The following LYST variants were observed in gnomAD, a reference collection of about 807,000 sequenced individuals.
LYST encodes lysosomal-trafficking regulator.
In LYST, 192 loss-of-function variants were observed where a neutral mutation model predicts 413.6. That is an observed-to-expected ratio of 0.46 (90% CI 0.41 to 0.52). LYST has a LOEUF of 0.52. Among genes scored for constraint, LYST ranks in the 20% least tolerant of loss-of-function variants. LYST has a pLI of 0.00. For synonymous variants in LYST, 1,525 were observed against 1,567.3 expected, an observed-to-expected ratio of 0.97 and a Z score of 0.64; for missense variants, 3,815 against 4,499.9, an observed-to-expected ratio of 0.85 and a Z score of 4.35.
rs201404906 is a variant in LYST, at chr1:235,762,863, A to AT, written c.6122-13dup. ...AAAGATCTTGCCATCTAGAATCCAA[A>AT]TTTTTTTTGAAACAGCAAAATTTTT... On this transcript the variant is annotated splice_polypyrimidine_tract_variant and intron_variant, in intron 21 of 52. Transcript: ENST00000389793. The AT allele has an allele frequency of 9.3e-6, 15 of 1,610,394 alleles. No homozygotes were observed. The highest frequency in any genetic ancestry group is 1.1e-5 in the Non-Finnish European group (13 of 1,177,366).
intron 48 of LYST, among the ~76,000 whole-genome samples, chr1:235,682,638 G>A (rs186299301): frequency 3.3e-5 from 5 of 152,298 alleles, no homozygotes; most frequent in Admixed American, 2.6e-4. Context: ...TAGAAATGTA[G>A]TCGGATGAAA....
At chr1:235,677,352 C>T (rs1280768203) in intron 49 of LYST, 128 bp downstream of exon 49, 6 of 1,164,644 alleles carry the variant, frequency 5.2e-6, no homozygotes, top group African/African-American at 1.5e-5. Context: ...AATCTTACTA[C>T]CTTTAAGCAT....
chr1:235,769,854 T>C (rs1163645045), intron 20 of LYST, among the ~76,000 whole-genome samples: 1 of 152,160 alleles, frequency 6.6e-6, no homozygotes, highest in Non-Finnish European at 1.5e-5. Context: ...TAAAATTCAT[T>C]AACTATTCTT....
chr1:235,765,242 A>G (rs1668015918), intron 21 of LYST, among the ~76,000 whole-genome samples: 1 of 151,948 alleles, frequency 6.6e-6, no homozygotes. Flanking sequence ...TTTCCTTAAC[A>G]CCTCCAGAGT....
chr1:235,722,285 A>G (rs1663441715), intron 39 of LYST, among the ~76,000 whole-genome samples: 1 of 152,310 alleles, frequency 6.6e-6, no homozygotes, highest in Admixed American at 6.5e-5. Flanking sequence ...ATGTGACATG[A>G]AAGTGATTGA....
intron 1 of LYST, among the ~76,000 whole-genome samples, chr1:235,846,274 C>T (rs1299595924): frequency 6.6e-6 from 1 of 152,126 alleles, no homozygotes; most frequent in Non-Finnish European, 1.5e-5. Flanking sequence ...AGAGAGACAA[C>T]AATCACTGCA....
chr1:235,759,426 G>T lies in LYST; in HGVS notation c.6427C>A (p.Gln2143Lys), dbSNP rs759773181. 6.2e-7 allele frequency: 1 copy of T among 1,614,032 alleles called. No homozygotes were observed. The highest frequency in any genetic ancestry group is 1.7e-5 in the Admixed American group (1 of 59,988). ...QNIADTYVATQSKKQNSLGSS... is the reference protein window; with the variant it reads ...QNIADTYVATKSKKQNSLGSS... Reference sequence around the variant, plus strand: ...CCCAAAGAATTTTGTTTCTTTGATTGGGTGGCAACATAAGTATCTGCAATA... The same window carrying T: ...CCCAAAGAATTTTGTTTCTTTGATTTGGTGGCAACATAAGTATCTGCAATA... The change falls in exon 23 of 53, where the codon CAA becomes AAA. Residue 2143 changes from glutamine to lysine, a missense_variant. Gln to Lys is a moderately conservative substitution (Grantham distance 53). This residue lies in a region of LYST where 530 missense variants were observed against 696.5 expected (regional missense o/e 0.76). Coordinates refer to ENST00000389793, the MANE Select transcript of LYST (RefSeq NM_000081.4).
chr1:235,802,196 A>AG (rs1351687099), intron 8 of LYST, among the ~76,000 whole-genome samples: 1 of 147,166 alleles, frequency 6.8e-6, no homozygotes, highest in African/African-American at 2.5e-5. Flanking sequence ...TCCATTTCAA[A>AG]AAAAAAAAAA....
At chr1:235,801,826 T>C (rs1672262400) in intron 8 of LYST, among the ~76,000 whole-genome samples, 1 of 152,258 alleles carries the variant, frequency 6.6e-6, no homozygotes, top group Middle Eastern at 3.4e-3. Flanking sequence ...AAGTAAGATA[T>C]CAGTGATTAT....
intron 50 of LYST, among the ~76,000 whole-genome samples, chr1:235,673,870 T>G (rs1339998000): frequency 6.6e-6 from 1 of 152,216 alleles, no homozygotes; most frequent in Non-Finnish European, 1.5e-5. Flanking sequence ...TACCAAGATA[T>G]AAATGCCTGG....
rs1272863474 is a variant in LYST at position 235,808,962 on chromosome 1, A to T, written c.1856T>A (p.Ile619Asn). 6.2e-7 allele frequency: 1 copy of T among 1,613,940 alleles called. No individual in the cohort carries two copies. The highest frequency in any genetic ancestry group is 8.5e-7 in the Non-Finnish European group (1 of 1,179,878). The change falls in exon 5 of 53, where the codon ATT (isoleucine) becomes AAT (asparagine). Residue 619 changes from isoleucine (I) to asparagine (N), a missense_variant. Ile to Asn is a moderately radical substitution (Grantham distance 149, BLOSUM62 -3). Around this residue, in one of 4 missense-constraint regions of LYST, gnomAD observed 1,648 missense variants for 1,810.3 expected, o/e 0.91. Coordinates refer to ENST00000389793, the MANE Select transcript of LYST (RefSeq NM_000081.4). ...CTCTGCTCCTCCTAACTGATCCAAA[A>T]TAAGTTTGTTAAGGATATTCAATAT... is the stretch of plus-strand genomic sequence containing the variant. Reference protein sequence around the residue: ...QHILNILNKLILDQLGGAEIS... With the variant: ...QHILNILNKLNLDQLGGAEIS...
At chr1:235,745,886 G>T (rs1274375052) in intron 29 of LYST, among the ~76,000 whole-genome samples, 1 of 152,148 alleles carries the variant, frequency 6.6e-6, no homozygotes, top group Non-Finnish European at 1.5e-5. Context: ...AGTGGCTGGG[G>T]GTGAGAGGAA....
rs766288052 is a variant in LYST, at chr1:235,808,849, T to A, written c.1969A>T (p.Asn657Tyr). Residue 657 changes from asparagine (N) to tyrosine (Y), a missense_variant, in exon 5 of 53, where the codon AAC becomes TAC. Around this residue, in one of 4 missense-constraint regions of LYST, gnomAD observed 1,648 missense variants for 1,810.3 expected, o/e 0.91. Coordinates refer to ENST00000389793, the MANE Select transcript of LYST (RefSeq NM_000081.4). ...GAGGAGAGTTCAGCATCACATAAGT[T>A]TCCCTGCAGTGTCTCTTCTAATTGG... The part of the protein sequence containing the change: ...LAQLEETLQG[N>Y]LCDAELSSSL... The A allele has an allele frequency of 5.0e-6, 8 of 1,613,948 alleles. No individual in the cohort carries two copies. The South Asian group carries it at 8.8e-5, about 18-fold the overall frequency.
intron 1 of LYST, among the ~76,000 whole-genome samples, chr1:235,853,896 TATCTC>T (rs1678852181): frequency 2.0e-5 from 3 of 152,156 alleles, no homozygotes; most frequent in South Asian, 2.1e-4. Context: ...GGCAACCAGA[TATCTC>T]AGGAAGAACC....
At chr1:235,749,396 G>A (rs1666249996) in intron 28 of LYST, among the ~76,000 whole-genome samples, 1 of 152,058 alleles carries the variant, frequency 6.6e-6, no homozygotes, top group South Asian at 2.1e-4. Flanking sequence ...TTCAATAAGG[G>A]TAGTACTTAA....
At chr1:235,821,126 G>A (rs904285158) in intron 3 of LYST, among the ~76,000 whole-genome samples, 3 of 152,194 alleles carry the variant, frequency 2.0e-5, no homozygotes, top group East Asian at 1.9e-4. Flanking sequence ...TTGGTCCCAC[G>A]TAGAACTTCT....
chr1:235,780,396 C>T (rs1012177507), intron 16 of LYST, among the ~76,000 whole-genome samples: 1 of 150,886 alleles, frequency 6.6e-6, no homozygotes, highest in Non-Finnish European at 1.5e-5. Context: ...AGAGTGAAAT[C>T]CTGTCTCTTA....
At position 235,674,551 on chromosome 1, in the gene LYST, C is replaced by T. The variant is rs1659220661; in HGVS notation, c.11038+2540G>A. Among the ~76,000 whole-genome samples the T allele has an allele frequency of 6.6e-6, 1 of 152,102 alleles. No individual in the cohort carries two copies. Among genetic ancestry groups the T allele is most frequent in the Non-Finnish European group, 1.5e-5 (1 of 68,040 alleles). On this transcript the variant is annotated intron_variant, in intron 50 of 52. Coordinates refer to ENST00000389793, the MANE Select transcript of LYST (RefSeq NM_000081.4). This position sits in a 1 kb window ranked among gnomAD's most constrained non-coding sequence, Gnocchi z 4.1. ...GAATCTATATTGTTCTCATGGGTAA[C>T]TGCAAGCAAAAATGTAGACTGGATA...
intron 17 of LYST, among the ~76,000 whole-genome samples, chr1:235,775,316 C>T (rs1009689843): frequency 6.6e-6 from 1 of 152,038 alleles, no homozygotes; most frequent in Non-Finnish European, 1.5e-5. Context: ...TGACACACAA[C>T]CTTAGTGGCC....
Sources: allele counts gnomAD v4.1 joint callset (sites outside exome capture counted in the v4.1 genomes callset), GRCh38; gene constraint gnomAD v4.1.1; regional missense constraint gnomAD v4.1.1; non-coding constraint Gnocchi (gnomAD v3.1); transcripts MANE v1.5; gene names NCBI Gene and HGNC (gene_info 2026-07-23, HGNC 2026-07-21).